The following CKAP5 variants were observed in gnomAD, a reference collection of about 807,000 sequenced individuals.
CKAP5 encodes the protein cytoskeleton associated protein 5, also known as cytoskeleton-associated protein 5.
Under a neutral mutation model 232.8 loss-of-function variants are expected in CKAP5, and 27 were observed. The ratio of observed to expected loss-of-function variants is 0.12; its 90% confidence interval spans 0.09 to 0.16. The LOEUF (loss-of-function observed/expected upper bound fraction) is 0.16, where lower values mean the gene tolerates loss of function less well. CKAP5 is among the 10% of genes least tolerant of loss of function. CKAP5 has a pLI of 1.00. For synonymous variants in CKAP5, 785 were observed against 841.1 expected, an observed-to-expected ratio of 0.93 and a Z score of 1.16; for missense variants, 1,838 against 2,424.7, an observed-to-expected ratio of 0.76 and a Z score of 5.08.
At chr11:46,830,136 T>A (rs911477257) in intron 1 of CKAP5, among the ~76,000 whole-genome samples, 4 of 151,562 alleles carry the variant, frequency 2.6e-5, no homozygotes, top group African/African-American at 9.7e-5. Flanking sequence ...TGAAGAGGGA[T>A]CAGAGAAAGA....
In CKAP5 at chr11:46,798,178, A is replaced by G. The variant is rs769207160; in HGVS notation, c.1084-6T>C. Reference sequence around the variant, plus strand: ...TCCAAGATGGTTGGCACAACCTGTAAAAGTGAATGGCTAGCACATTATTCA... The same window carrying G: ...TCCAAGATGGTTGGCACAACCTGTAGAAGTGAATGGCTAGCACATTATTCA... On this transcript the variant is annotated splice_polypyrimidine_tract_variant and splice_region_variant and intron_variant, in intron 9 of 43. Coordinates refer to ENST00000529230, the MANE Select transcript of CKAP5 (RefSeq NM_001008938.4). 1 of 1,590,148 alleles carries G rather than the reference A, an allele frequency of 6.3e-7. No homozygotes were observed. The highest frequency in any genetic ancestry group is 8.6e-7 in the Non-Finnish European group (1 of 1,158,402).
chr11:46,761,883 A>T, intron 32 of CKAP5, 117 bp downstream of exon 32: 1 of 718,896 alleles, frequency 1.4e-6, no homozygotes, highest in Non-Finnish European at 2.3e-6. Flanking sequence ...TGATAGGTTG[A>T]GTTGACTAAA....
Position 46,796,949 on chromosome 11 carries a change from C to A in CKAP5, c.1339-9G>T. The A allele has an allele frequency of 6.2e-7, 1 of 1,612,960 alleles. No homozygotes were observed. Among genetic ancestry groups the A allele is most frequent in the Non-Finnish European group, 8.5e-7 (1 of 1,179,544 alleles). ...GCAGAATCATTGATGTGCTATAGTC[C>A]AGAAGTAAGCAAAATGATATTAATG... On this transcript the variant is annotated splice_polypyrimidine_tract_variant and intron_variant, in intron 11 of 43. Transcript: ENST00000529230.
intron 8 of CKAP5, among the ~76,000 whole-genome samples, chr11:46,805,109 C>T (rs1407197380): frequency 6.6e-6 from 1 of 151,660 alleles, no homozygotes; most frequent in Non-Finnish European, 1.5e-5. Context: ...GTGGCACGCG[C>T]CTGTAATCCC....
chr11:46,773,652 C>G (rs2065268350), intron 24 of CKAP5, among the ~76,000 whole-genome samples: 1 of 151,964 alleles, frequency 6.6e-6, no homozygotes, highest in African/African-American at 2.4e-5. Flanking sequence ...AAGCGATTCT[C>G]CTGCCTCAGC....
chr11:46,844,459 C>T lies in CKAP5; in HGVS notation c.-38+1761G>A, dbSNP rs140703815. Among the ~76,000 whole-genome samples the T allele has an allele frequency of 7.4e-4, 112 of 152,178 alleles. 1 individual carries two copies. Among genetic ancestry groups the T allele is most frequent in the East Asian group, 4.4e-3 (23 of 5,184 alleles). ...ACAAAAAACACCAAAAAAACAGGTG[C>T]TGCTAAAACTGAACTGTCAGTAGTA... is the stretch of plus-strand genomic sequence containing the variant. On this transcript the variant is annotated intron_variant, in intron 1 of 43. Transcript: ENST00000529230.
chr11:46,770,321 T>A, intron 25 of CKAP5: 1 of 561,324 alleles, frequency 1.8e-6, no homozygotes, highest in Middle Eastern at 4.8e-4. Context: ...CCCTGTGAGG[T>A]CAGCAGATTT....
chr11:46,822,243 T>A (rs1413368120), intron 1 of CKAP5, among the ~76,000 whole-genome samples: 2 of 152,018 alleles, frequency 1.3e-5, no homozygotes, highest in Non-Finnish European at 2.9e-5. Flanking sequence ...ATCATGCCAC[T>A]ACACTCCAGC....
At chr11:46,751,562 G>C (rs1428634362) in intron 38 of CKAP5, 28 bp from the exon 39 acceptor site, 1 of 1,551,752 alleles carries the variant, frequency 6.4e-7, no homozygotes, top group Non-Finnish European at 8.8e-7. Flanking sequence ...AAAGAGTTAG[G>C]AGTGACTGAA....
At chr11:46,773,848 T>A (rs1240611013) in intron 24 of CKAP5, among the ~76,000 whole-genome samples, 1 of 152,086 alleles carries the variant, frequency 6.6e-6, no homozygotes, top group East Asian at 1.9e-4. Flanking sequence ...CAGCCTCTAT[T>A]TTTATGTTCT....
Position 46,777,477 on chromosome 11 carries a change from A to C in CKAP5, c.2824T>G (p.Leu942Val), listed in dbSNP as rs772388714. The C allele has an allele frequency of 5.6e-6, 9 of 1,613,836 alleles. No homozygotes were observed. Among genetic ancestry groups the C allele is most frequent in the East Asian group, 2.2e-5 (1 of 44,874 alleles). The change falls in exon 23 of 44, where the codon TTA (leucine) becomes GTA (valine). Residue 942 changes from leucine to valine, a missense_variant. This residue lies in a region of CKAP5 where 767 missense variants were observed against 954.6 expected (regional missense o/e 0.80). Coordinates refer to ENST00000529230, the MANE Select transcript of CKAP5 (RefSeq NM_001008938.4). ...AGGACTGTGATGATAGGGATGCCTAAATTTTTTACATGTTGCTTAATATTT... is the reference window on the plus strand; with the variant it reads ...AGGACTGTGATGATAGGGATGCCTACATTTTTTACATGTTGCTTAATATTT... Reference protein sequence around the residue: ...GPNIKQHVKNLGIPIITVLGD... With the variant: ...GPNIKQHVKNVGIPIITVLGD...
rs111305809 is a variant in CKAP5 at position 46,821,085 on chromosome 11, T to C, written c.57+90A>G. ...GCATCAGTATTTTTGAAACTGCCAA[T>C]GTTTTCACACACTTCTAAGTAAGAT... On this transcript the variant is annotated intron_variant, in intron 2 of 43. Coordinates refer to ENST00000529230, the MANE Select transcript of CKAP5 (RefSeq NM_001008938.4). 7.4e-4 allele frequency: 615 copies of C among 826,332 alleles called. 4 individuals are homozygous for C. The African/African-American group carries it at 9.4e-3, about 13-fold the overall frequency. 51.2% of individuals were successfully genotyped at this position (826,332 alleles called of 1,614,324 possible). A position where few individuals can be genotyped will look rare whatever the true frequency, so the allele number is the denominator to read the frequency against.
intron 18 of CKAP5, among the ~76,000 whole-genome samples, chr11:46,781,914 C>T (rs1009365050): frequency 6.6e-6 from 1 of 152,134 alleles, no homozygotes; most frequent in African/African-American, 2.4e-5. Context: ...CAACCTCTGC[C>T]TCCTGGGTGC....
intron 38 of CKAP5, among the ~76,000 whole-genome samples, chr11:46,752,187 T>TACACACACACAC (rs1235472492): frequency 2.9e-5 from 2 of 67,920 alleles, no homozygotes; most frequent in African/African-American, 9.0e-5. Flanking sequence ...TATATATATA[T>TACACACACACAC]ATATATACAC....
At chr11:46,838,074 T>C (rs1025457454) in intron 1 of CKAP5, among the ~76,000 whole-genome samples, 3 of 152,196 alleles carry the variant, frequency 2.0e-5, no homozygotes, top group African/African-American at 7.2e-5. Flanking sequence ...TGATAGCATG[T>C]ACCCTTGATA....
intron 33 of CKAP5, chr11:46,760,318 C>T (rs1477924530): frequency 3.9e-6 from 2 of 514,654 alleles, no homozygotes; most frequent in African/African-American, 3.9e-5. Flanking sequence ...GATATAAGAG[C>T]CCTGCTAATG....
chr11:46,762,294 A>C, intron 31 of CKAP5, 101 bp from the exon 32 acceptor site: 1 of 1,192,846 alleles, frequency 8.4e-7, no homozygotes, highest in Non-Finnish European at 1.2e-6. Flanking sequence ...AAGGACTAAA[A>C]CCTTACTCTG....
At chr11:46,816,825 G>T (rs1459177402) in intron 3 of CKAP5, among the ~76,000 whole-genome samples, 2 of 145,570 alleles carry the variant, frequency 1.4e-5, no homozygotes, top group African/African-American at 2.5e-5. Flanking sequence ...AGACAGGGTT[G>T]GTCGGGTATG....
At chr11:46,823,809 TG>T (rs1202431463) in intron 1 of CKAP5, among the ~76,000 whole-genome samples, 1 of 152,210 alleles carries the variant, frequency 6.6e-6, no homozygotes, top group Admixed American at 6.5e-5. Context: ...TTTGTAGAGA[TG>T]GGGTCTTACT....
Sources: gnomAD v4.1 joint callset for allele counts (sites outside exome capture counted in the v4.1 genomes callset) on GRCh38, gnomAD v4.1.1 for gene constraint, gnomAD v4.1.1 regional missense constraint, MANE v1.5 for transcripts, NCBI Gene and HGNC (gene_info 2026-07-23, HGNC 2026-07-21) for gene names.